The following PTPRM variants were observed in gnomAD, a reference collection of about 807,000 sequenced individuals.
PTPRM encodes receptor-type tyrosine-protein phosphatase mu.
A neutral mutation model predicts 186.7 loss-of-function variants in PTPRM; 47 were observed. The observed-to-expected ratio is 0.25, with a 90% CI of 0.20 to 0.32. The LOEUF is 0.32. PTPRM is among the 10% of genes least tolerant of loss of function. The pLI is 1.00. For synonymous variants in PTPRM, 668 were observed against 674.9 expected, an observed-to-expected ratio of 0.99 and a Z score of 0.16; for missense variants, 1,494 against 1,865.0, an observed-to-expected ratio of 0.80 and a Z score of 3.66.
chr18:8,382,048 C>T (rs956727450), intron 29 of PTPRM, among the ~76,000 whole-genome samples: 2 of 152,192 alleles, frequency 1.3e-5, no homozygotes, highest in African/African-American at 4.8e-5. Flanking sequence ...CAGTTCTATT[C>T]AGCAGACAGA....
intron 13 of PTPRM, among the ~76,000 whole-genome samples, chr18:8,139,362 C>G (rs1185177594): frequency 2.0e-5 from 3 of 152,212 alleles, no homozygotes; most frequent in Non-Finnish European, 4.4e-5. Flanking sequence ...ACCTGCACTG[C>G]TACCTTCTCA....
intron 1 of PTPRM, among the ~76,000 whole-genome samples, chr18:7,704,799 T>C (rs1003210592): frequency 6.6e-6 from 1 of 152,156 alleles, no homozygotes; most frequent in South Asian, 2.1e-4. Context: ...TGTTTACTTA[T>C]TTAAATCTGT....
intron 1 of PTPRM, among the ~76,000 whole-genome samples, chr18:7,732,773 G>T (rs1013612214): frequency 6.6e-6 from 1 of 152,132 alleles, no homozygotes; most frequent in African/African-American, 2.4e-5. Context: ...CAAAAACGCT[G>T]AGATTTCAGG....
At chr18:8,179,082 G>A (rs769724365) in intron 14 of PTPRM, among the ~76,000 whole-genome samples, 1 of 152,136 alleles carries the variant, frequency 6.6e-6, no homozygotes, top group Non-Finnish European at 1.5e-5. Context: ...ATCTCTATAA[G>A]TCAGATTTGA....
chr18:7,842,928 G>GTTTA (rs1365364776), intron 2 of PTPRM, among the ~76,000 whole-genome samples: 1 of 62,712 alleles, frequency 1.6e-5, no homozygotes, highest in Non-Finnish European at 2.9e-5. Flanking sequence ...GTGTGTGTGT[G>GTTTA]TGTATATATA....
At chr18:8,219,369 A>G (rs906163451) in intron 14 of PTPRM, among the ~76,000 whole-genome samples, 1 of 152,064 alleles carries the variant, frequency 6.6e-6, no homozygotes, top group Non-Finnish European at 1.5e-5. Flanking sequence ...CGGGAGGCTG[A>G]GGCAGGAGAA....
At chr18:7,826,707 CTCCCATCATATTA>C (rs2045502666) in intron 2 of PTPRM, among the ~76,000 whole-genome samples, 1 of 152,326 alleles carries the variant, frequency 6.6e-6, no homozygotes, top group East Asian at 1.9e-4. Flanking sequence ...ATAAAAGTAA[CTCCCATCATATTA>C]TCCAAAGAAA....
chr18:7,589,542 C>T (rs1412330409), intron 1 of PTPRM, among the ~76,000 whole-genome samples: 1 of 152,074 alleles, frequency 6.6e-6, no homozygotes, highest in Non-Finnish European at 1.5e-5. Flanking sequence ...AGTGTGACAT[C>T]CTCCCCTGCA....
intron 8 of PTPRM, among the ~76,000 whole-genome samples, chr18:8,074,319 G>T (rs2089670693): frequency 6.6e-6 from 1 of 152,132 alleles, no homozygotes; most frequent in Admixed American, 6.6e-5. Flanking sequence ...AAATATTTGG[G>T]TTGTTTTCAC....
chr18:8,296,590 G>A (rs1715434271), intron 20 of PTPRM, 135 bp downstream of exon 20: 1 of 604,364 alleles, frequency 1.7e-6, no homozygotes, highest in South Asian at 2.4e-5. Context: ...TGGTGTTAAC[G>A]CTCGTACTAA....
intron 21 of PTPRM, among the ~76,000 whole-genome samples, chr18:8,317,875 A>G (rs2095320697): frequency 6.6e-6 from 1 of 152,194 alleles, no homozygotes; most frequent in Non-Finnish European, 1.5e-5. Flanking sequence ...GACATATAGT[A>G]TGGATAAGTC....
chr18:7,895,836 C>G (rs1364268824), intron 3 of PTPRM, among the ~76,000 whole-genome samples: 1 of 152,172 alleles, frequency 6.6e-6, no homozygotes, highest in Non-Finnish European at 1.5e-5. Flanking sequence ...CTCTTACTTT[C>G]ACAGTTTTTT....
intron 1 of PTPRM, among the ~76,000 whole-genome samples, chr18:7,594,506 CAAAA>C (rs889833260): frequency 1.3e-5 from 2 of 150,298 alleles, no homozygotes; most frequent in Non-Finnish European, 3.0e-5. Flanking sequence ...ACCAAACAAA[CAAAA>C]AAAAGAAGGA....
At chr18:8,200,949 C>G (rs1601178667) in intron 14 of PTPRM, among the ~76,000 whole-genome samples, 1 of 152,078 alleles carries the variant, frequency 6.6e-6, no homozygotes, top group South Asian at 2.1e-4. Flanking sequence ...TTGTGTTACT[C>G]TAAATGGTAA....
chr18:7,832,851 C>T (rs982246639), intron 2 of PTPRM, among the ~76,000 whole-genome samples: 2 of 152,118 alleles, frequency 1.3e-5, no homozygotes, highest in African/African-American at 2.4e-5. Flanking sequence ...ATCCACTTTT[C>T]CCAACACCAT....
intron 19 of PTPRM, among the ~76,000 whole-genome samples, chr18:8,281,418 A>G (rs956860216): frequency 4.6e-5 from 7 of 152,192 alleles, no homozygotes; most frequent in African/African-American, 1.4e-4. Context: ...AGGGACTCCA[A>G]AATCACTTAA....
chr18:8,376,421 G>C, intron 25 of PTPRM, 41 bp from the exon 26 acceptor site: 12 of 1,613,092 alleles, frequency 7.4e-6, no homozygotes, highest in Non-Finnish European at 1.0e-5. Flanking sequence ...GCAGCAGTGT[G>C]GTCCTTCTTC....
chr18:7,795,640 C>T (rs537228762), intron 2 of PTPRM, among the ~76,000 whole-genome samples: 2 of 152,190 alleles, frequency 1.3e-5, no homozygotes, highest in South Asian at 4.2e-4. Context: ...TATTCATCTT[C>T]TGCCTTCCTA....
At chr18:7,774,513 G>A (rs1015332497) in intron 2 of PTPRM, among the ~76,000 whole-genome samples, 1 of 152,050 alleles carries the variant, frequency 6.6e-6, no homozygotes, top group East Asian at 1.9e-4. Flanking sequence ...TAGATTAGTG[G>A]GCATTACCCA....
Sources: gnomAD v4.1 joint callset for allele counts (sites outside exome capture counted in the v4.1 genomes callset) on GRCh38, gnomAD v4.1.1 for gene constraint, MANE v1.5 for transcripts, NCBI Gene and HGNC (gene_info 2026-07-23, HGNC 2026-07-21) for gene names.